Variants in ZNF850 observed in about 807,000 individuals in gnomAD.
The protein encoded by ZNF850 is zinc finger protein 850.
A neutral mutation model predicts 11.9 loss-of-function variants in ZNF850; 2 were observed. That is an observed-to-expected ratio of 0.17 (90% CI 0.07 to 0.53). The LOEUF is 0.53. Ranked by LOEUF, ZNF850 falls within the 20% of genes least tolerant of loss-of-function variation. The probability of loss-of-function intolerance (pLI) is 0.94; values close to 1 mark genes in which losing one functional copy is unlikely to be tolerated. For synonymous variants in ZNF850, 381 were observed against 443.0 expected (o/e 0.86, Z 1.76); for missense variants, 1,014 against 1,316.4 (o/e 0.77, Z 3.55).
At chr19:36,762,508 C>A in intron 2 of ZNF850, 77 bp from the exon 3 acceptor site, 1 of 1,534,598 alleles carries the variant, frequency 6.5e-7, no homozygotes, top group Non-Finnish European at 8.7e-7. Context: ...TGGAAGGGTG[C>A]TGAAGGATGG....
At position 36,748,215 on chromosome 19, in the gene ZNF850, T is replaced by C. The variant is rs1254420931; in HGVS notation, c.2825A>G (p.Lys942Arg). 1.9e-6 allele frequency: 3 copies of C among 1,553,280 alleles called. No homozygotes were observed. Among genetic ancestry groups the C allele is most frequent in the African/African-American group, 2.7e-5 (2 of 73,240 alleles). The change falls in exon 5 of 5, where the codon AAA becomes AGA. Residue 942 changes from lysine (K) to arginine (R), a missense_variant. Lys to Arg is a conservative substitution (Grantham distance 26). This residue lies in a region of ZNF850 where 179 missense variants were observed against 294.4 expected (regional missense o/e 0.61). Transcript: ENST00000591344. ...CTCGCCAGTGTGAATACTGTGATGT[T>C]TGGTGAGTCCTGAGAAACGGACAAA... ...KAFVRFSGLT[K>R]HHSIHTGEKP... is the part of the protein sequence containing the mutation.
In ZNF850 at chr19:36,745,602, T is replaced by C. The variant is rs3108591; in HGVS notation, c.*2165A>G. 118,802 of 151,426 alleles carry C rather than the reference T, an allele frequency of 0.78. 46,676 individuals are homozygous for C. Among genetic ancestry groups the C allele is most frequent in the African/African-American group, 0.83 (34,181 of 41,218 alleles). 9.4% of individuals were successfully genotyped at this position (151,426 alleles called of 1,614,324 possible). ...CTGAGTCAAGAGAATCGCTTGAACC[T>C]GGGAGGCGGAGGTTGCAGTGAGCCA... On this transcript the variant is annotated 3_prime_UTR_variant, in exon 5 of 5. Coordinates refer to ENST00000591344, the MANE Select transcript of ZNF850 (RefSeq NM_001193552.2).
intron 4 of ZNF850, among the ~76,000 whole-genome samples, chr19:36,753,343 C>A (rs826980): frequency 0.39 from 53,774 of 138,440 alleles, 10,597 homozygotes; most frequent in Non-Finnish European, 0.43. Flanking sequence ...AATCCCAACA[C>A]TTTGGGATGC....
At chr19:36,752,994 G>C (rs1600606790) in intron 4 of ZNF850, among the ~76,000 whole-genome samples, 1 of 152,252 alleles carries the variant, frequency 6.6e-6, no homozygotes, top group African/African-American at 2.4e-5. Flanking sequence ...ACGGGGCCAG[G>C]TGCGGTGGCA....
At chr19:36,763,459 G>T (rs1234315339) in intron 1 of ZNF850, among the ~76,000 whole-genome samples, 2 of 151,442 alleles carry the variant, frequency 1.3e-5, no homozygotes. Flanking sequence ...CAGGAGAATT[G>T]CTTGAACCTG....
At chr19:36,751,065 T>TAAAAAA (rs34721047) in intron 4 of ZNF850, among the ~76,000 whole-genome samples, 4 of 89,434 alleles carry the variant, frequency 4.5e-5, no homozygotes, top group Admixed American at 1.4e-4. Context: ...GACCCTGTCT[T>TAAAAAA]AAAAAAAAAA....
chr19:36,748,606 G>A lies in ZNF850; in HGVS notation c.2434C>T (p.Pro812Ser), dbSNP rs750728381. 3.1e-5 allele frequency: 48 copies of A among 1,537,068 alleles called. No homozygotes were observed. In the South Asian group the frequency reaches 5.7e-4, roughly 18 times the overall value. ...QHQPLHTGEK[P>S]YHCKECGKSF... ...TTCCCACATTCCTTGCAATGATAAG[G>A]TTTCTCACCAGTGTGAAGTGGCTGA... Residue 812 changes from proline to serine, a missense_variant, in exon 5 of 5, where the codon CCT (proline) becomes TCT (serine). Coordinates refer to ENST00000591344, the MANE Select transcript of ZNF850 (RefSeq NM_001193552.2).
intron 4 of ZNF850, among the ~76,000 whole-genome samples, chr19:36,756,807 GT>G: frequency 6.6e-6 from 1 of 151,898 alleles, no homozygotes; most frequent in East Asian, 1.9e-4. Flanking sequence ...TAGAGATGGG[GT>G]TTTCACCATG....
intron 1 of ZNF850, among the ~76,000 whole-genome samples, chr19:36,763,403 G>A (rs1415745579): frequency 6.6e-6 from 1 of 151,872 alleles, no homozygotes; most frequent in East Asian, 2.0e-4. Flanking sequence ...AATTAGCTGG[G>A]GGTGGTGGCG....
At chr19:36,762,787 C>T in intron 1 of ZNF850, 112 bp from the exon 2 acceptor site, 1 of 615,114 alleles carries the variant, frequency 1.6e-6, no homozygotes, top group South Asian at 2.1e-5. Flanking sequence ...TTACAGTAAA[C>T]ATCTGATATG....
chr19:36,748,758 T>G lies in ZNF850; in HGVS notation c.2282A>C (p.Glu761Ala), dbSNP rs2040430585. 2 of 1,549,634 alleles carry G rather than the reference T, an allele frequency of 1.3e-6. No individual in the cohort carries two copies. The highest frequency in any genetic ancestry group is 1.4e-5 in the African/African-American group (1 of 73,472). Residue 761 changes from glutamate (E) to alanine (A), a missense_variant, in exon 5 of 5, where the codon GAA becomes GCA. Glu to Ala is a moderately radical substitution (Grantham distance 107, BLOSUM62 -1). This residue lies in a region of ZNF850 where 835 missense variants were observed against 1,022.0 expected (regional missense o/e 0.82). Transcript: ENST00000591344. ...HTGEKPYDCK[E>A]CGKSFTSHST... ...GTGAGAAGTAAAAGATTTCCCACAT[T>G]CCTTACAATCATAGGGTTTCTCACC...
Position 36,750,049 on chromosome 19 carries a change from G to T in ZNF850, c.991C>A (p.His331Asn). 1 of 1,541,098 alleles carries T rather than the reference G, an allele frequency of 6.5e-7. No homozygotes were observed. The highest frequency in any genetic ancestry group is 8.7e-7 in the Non-Finnish European group (1 of 1,147,498). Reference protein sequence around the residue: ...GSTLIRHQQIHTGEKPYDCKE... With the variant: ...GSTLIRHQQINTGEKPYDCKE... Reference sequence around the variant, plus strand: ...CAATCATACGGTTTCTCACCAGTGTGAATTTGCTGGTGTCGAATTAGTGTT... The same window carrying T: ...CAATCATACGGTTTCTCACCAGTGTTAATTTGCTGGTGTCGAATTAGTGTT... Residue 331 changes from histidine (H) to asparagine (N), a missense_variant, in exon 5 of 5, where the codon CAC (histidine) becomes AAC (asparagine). His to Asn is a moderately conservative substitution (Grantham distance 68). This residue lies in a region of ZNF850 where 835 missense variants were observed against 1,022.0 expected (regional missense o/e 0.82). Transcript: ENST00000591344.
intron 1 of ZNF850, among the ~76,000 whole-genome samples, chr19:36,763,485 G>A (rs1332245059): frequency 3.3e-5 from 5 of 151,000 alleles, no homozygotes; most frequent in Admixed American, 6.6e-5. Context: ...CAGAGGTTGC[G>A]GTGAGCCAAG....
rs549617813 is a variant in ZNF850, at chr19:36,759,464, C to G, written c.235+2179G>C. On this transcript the variant is annotated intron_variant, in intron 4 of 4. Transcript: ENST00000591344. ...TACTCCAGCATGGGCAACAGAGAGA[C>G]CCTGTCACAAAAACAAAAAAAGAAG... is the stretch of plus-strand genomic sequence containing the variant. Among the ~76,000 whole-genome samples the G allele has an allele frequency of 5.9e-5, 9 of 152,150 alleles. No homozygotes were observed. In the East Asian group the frequency reaches 1.7e-3, roughly 29 times the overall value.
Position 36,749,383 on chromosome 19 carries a change from C to A in ZNF850, c.1657G>T (p.Ala553Ser). The A allele has an allele frequency of 1.3e-6, 2 of 1,538,160 alleles. No homozygotes were observed. Among genetic ancestry groups the A allele is most frequent in the Non-Finnish European group, 1.7e-6 (2 of 1,149,002 alleles). Reference protein sequence around the residue: ...TFRSGLIGHQAVHTGEKPYDC... With the variant: ...TFRSGLIGHQSVHTGEKPYDC... Reference sequence around the variant, plus strand: ...TAGGGTTTCTCACCAGTGTGAACTGCCTGATGTCCAATTAGCCCTGAGCGA... The same window carrying A: ...TAGGGTTTCTCACCAGTGTGAACTGACTGATGTCCAATTAGCCCTGAGCGA... Residue 553 changes from alanine (A) to serine (S), a missense_variant, in exon 5 of 5, where the codon GCA (alanine) becomes TCA (serine). Physicochemically the swap from Ala to Ser is moderately conservative, Grantham distance 99. Around this residue, in one of 2 missense-constraint regions of ZNF850, gnomAD observed 835 missense variants for 1,022.0 expected, o/e 0.82. Transcript: ENST00000591344.
At position 36,762,678 on chromosome 19, in the gene ZNF850, G is replaced by T. The variant is rs547973314; in HGVS notation, c.-69-3C>A. 80 of 1,434,842 alleles carry T rather than the reference G, an allele frequency of 5.6e-5. No individual in the cohort carries two copies. In the African/African-American group the frequency reaches 5.9e-4, roughly 11 times the overall value. 88.9% of individuals were successfully genotyped at this position (1,434,842 alleles called of 1,614,324 possible). Reference sequence around the variant, plus strand: ...TTCCGAATATTCCATGGTTAGAGCTGGGAATGAATAAAACACATTGATATA... The same window carrying T: ...TTCCGAATATTCCATGGTTAGAGCTTGGAATGAATAAAACACATTGATATA... On this transcript the variant is annotated splice_region_variant and splice_polypyrimidine_tract_variant and intron_variant, in intron 1 of 4. Coordinates refer to ENST00000591344, the MANE Select transcript of ZNF850 (RefSeq NM_001193552.2).
At position 36,747,863 on chromosome 19, in the gene ZNF850, G is replaced by T; in HGVS notation, c.3177C>A (p.His1059Gln). The change falls in exon 5 of 5, where the codon CAC becomes CAA. Residue 1059 changes from histidine (H) to glutamine (Q), a missense_variant. His to Gln is a conservative substitution (Grantham distance 24, BLOSUM62 0). This residue lies in a region of ZNF850 where 179 missense variants were observed against 294.4 expected (regional missense o/e 0.61). Transcript: ENST00000591344. ...ASGLSRHQSV[H>Q]TGEKPYECKT... The stretch of plus-strand genomic sequence containing the variant: ...TACATTCATAGGGTTTCTCGCCAGT[G>T]TGAACACTCTGATGTCGGCTGAGTC... The T allele has an allele frequency of 6.3e-7, 1 of 1,582,174 alleles. No individual in the cohort carries two copies. The highest frequency in any genetic ancestry group is 8.6e-7 in the Non-Finnish European group (1 of 1,167,658).
In ZNF850 at chr19:36,749,459, G is replaced by C. The variant is rs776240472; in HGVS notation, c.1581C>G (p.His527Gln). Residue 527 changes from histidine to glutamine, a missense_variant, in exon 5 of 5, where the codon CAC becomes CAG. Coordinates refer to ENST00000591344, the MANE Select transcript of ZNF850 (RefSeq NM_001193552.2). ...TACAATGATAGGGTTTCTCACCAGT[G>C]TGAATTCGCTGATGTTGAAGTAGTG... ...GSALLQHQRIHTGEKPYHCKE... is the reference protein window; with the variant it reads ...GSALLQHQRIQTGEKPYHCKE... 15 of 1,550,882 alleles carry C rather than the reference G, an allele frequency of 9.7e-6. No individual in the cohort carries two copies.
chr19:36,763,278 C>T (rs1334995123), intron 1 of ZNF850, among the ~76,000 whole-genome samples: 1 of 152,182 alleles, frequency 6.6e-6, no homozygotes, highest in East Asian at 1.9e-4. Flanking sequence ...CGGTGGCTCA[C>T]ACCTATAATC....
Sources: allele counts gnomAD v4.1 joint callset (sites outside exome capture counted in the v4.1 genomes callset), GRCh38; gene constraint gnomAD v4.1.1; regional missense constraint gnomAD v4.1.1; transcripts MANE v1.5; gene names NCBI Gene and HGNC (gene_info 2026-07-23, HGNC 2026-07-21).